SNX29: variants seen among roughly 807,000 people sequenced by gnomAD.
SNX29 encodes sorting nexin 29.
A neutral mutation model predicts 102.1 loss-of-function variants in SNX29; 78 were observed. The ratio of observed to expected loss-of-function variants is 0.76; its 90% CI spans 0.64 to 0.92. The LOEUF (loss-of-function observed/expected upper bound fraction) is 0.92. Ranked by LOEUF, SNX29 falls within the 40% of genes least tolerant of loss-of-function variation. The pLI, the probability that SNX29 is intolerant of heterozygous loss-of-function variation, is 0.00. For synonymous variants in SNX29, 580 were observed against 414.5 expected, an observed-to-expected ratio of 1.40 and a Z score of -4.85; for missense variants, 1,280 against 1,061.7, an observed-to-expected ratio of 1.21 and a Z score of -2.86.
At chr16:12,129,846 T>G (rs2054379093) in intron 13 of SNX29, 88 bp downstream of exon 13, 1 of 1,439,728 alleles carries the variant, frequency 6.9e-7, no homozygotes, top group Non-Finnish European at 9.2e-7. Context: ...GGCTCATGCC[T>G]GTAATCCCAG....
intron 20 of SNX29, among the ~76,000 whole-genome samples, chr16:12,534,741 A>G (rs964904278): frequency 2.0e-5 from 3 of 152,280 alleles, no homozygotes; most frequent in African/African-American, 7.2e-5. Flanking sequence ...TTGCCCTACT[A>G]AACCCAAGTG....
intron 18 of SNX29, among the ~76,000 whole-genome samples, chr16:12,474,064 A>G (rs2087480517): frequency 6.6e-6 from 1 of 151,946 alleles, no homozygotes; most frequent in Admixed American, 6.6e-5. Context: ...TGGGGTCTGG[A>G]TTGGAGCCCC....
chr16:12,505,936 T>C (rs1471070503), intron 19 of SNX29, among the ~76,000 whole-genome samples: 1 of 152,158 alleles, frequency 6.6e-6, no homozygotes, highest in Non-Finnish European at 1.5e-5. Flanking sequence ...TTTGTAGTTT[T>C]TCTATAGAGT....
In SNX29 at chr16:12,003,632, G is replaced by A. The variant is rs2056364179; in HGVS notation, c.122+589G>A. On this transcript the variant is annotated intron_variant, in intron 3 of 20. Transcript: ENST00000566228. ...AACGTGGCCTGAGGTAGCAGTAGGG[G>A]TAAGAATACTGGGAATATTGCTTTC... Among the ~76,000 whole-genome samples the A allele has an allele frequency of 2.0e-5, 3 of 152,156 alleles. No homozygotes were observed. The South Asian group carries it at 6.2e-4, about 31-fold the overall frequency.
chr16:12,206,940 T>C (rs1487266662), intron 14 of SNX29, among the ~76,000 whole-genome samples: 1 of 151,138 alleles, frequency 6.6e-6, no homozygotes, highest in Non-Finnish European at 1.5e-5. Context: ...TCAGCAAATA[T>C]GCTACAAATG....
intron 13 of SNX29, among the ~76,000 whole-genome samples, chr16:12,174,030 CCTTGGCCTCCCAAA>C (rs1454954292): frequency 1.3e-5 from 2 of 152,236 alleles, no homozygotes; most frequent in Non-Finnish European, 2.9e-5. Flanking sequence ...TCCCCCCCAA[CCTTGGCCTCCCAAA>C]GTGTTGGGAT....
At chr16:12,171,776 A>T (rs2076154955) in intron 13 of SNX29, among the ~76,000 whole-genome samples, 1 of 152,176 alleles carries the variant, frequency 6.6e-6, no homozygotes, top group Non-Finnish European at 1.5e-5. Flanking sequence ...TTCACTAATG[A>T]TTGTTATATG....
chr16:12,436,620 C>T (rs112369911), intron 18 of SNX29, among the ~76,000 whole-genome samples: 1 of 152,334 alleles, frequency 6.6e-6, no homozygotes, highest in South Asian at 2.1e-4. Flanking sequence ...TAGCCCCTGG[C>T]CTGCCATGAG....
chr16:12,202,000 G>A (rs1341744876), intron 14 of SNX29, among the ~76,000 whole-genome samples: 1 of 152,132 alleles, frequency 6.6e-6, no homozygotes, highest in Admixed American at 6.5e-5. Context: ...TCCCCAGACC[G>A]ATCCTGAGTG....
chr16:12,556,826 A>G (rs1013122015), intron 20 of SNX29, among the ~76,000 whole-genome samples: 4 of 152,058 alleles, frequency 2.6e-5, no homozygotes, highest in South Asian at 4.1e-4. Context: ...AGCCCAGAGG[A>G]GGAACAGAAG....
At chr16:12,054,389 G>T (rs2050434300) in intron 8 of SNX29, among the ~76,000 whole-genome samples, 1 of 152,198 alleles carries the variant, frequency 6.6e-6, no homozygotes, top group African/African-American at 2.4e-5. Flanking sequence ...TCTGCTTCTG[G>T]GTGGATCAGT....
chr16:12,043,122 G>A (rs779855876), intron 5 of SNX29, 45 bp downstream of exon 5: 1 of 1,602,086 alleles, frequency 6.2e-7, no homozygotes, highest in South Asian at 1.1e-5. Flanking sequence ...AGCAAGAGGT[G>A]AAGATCTTGG....
At chr16:12,294,488 T>G in intron 15 of SNX29, among the ~76,000 whole-genome samples, 1 of 152,170 alleles carries the variant, frequency 6.6e-6, no homozygotes, top group African/African-American at 2.4e-5. Context: ...AGACTCACCC[T>G]GTCTACTCCC....
intron 11 of SNX29, among the ~76,000 whole-genome samples, chr16:12,109,848 A>G (rs1188761112): frequency 1.3e-5 from 2 of 152,048 alleles, no homozygotes; most frequent in Non-Finnish European, 2.9e-5. Context: ...CTCCTGCCTC[A>G]GCCTCCCAAG....
At chr16:12,343,357 C>T (rs980453023) in intron 15 of SNX29, among the ~76,000 whole-genome samples, 3 of 152,204 alleles carry the variant, frequency 2.0e-5, no homozygotes, top group Admixed American at 6.5e-5. Flanking sequence ...CTTCTGTGTC[C>T]AGCAACCTAT....
chr16:12,227,921 A>G (rs1216853084), intron 14 of SNX29, among the ~76,000 whole-genome samples: 2 of 151,276 alleles, frequency 1.3e-5, no homozygotes, highest in East Asian at 3.9e-4. Context: ...AAAAAAAAAA[A>G]AAAAAGACCG....
At chr16:12,335,226 A>T (rs565710268) in intron 15 of SNX29, among the ~76,000 whole-genome samples, 1 of 152,074 alleles carries the variant, frequency 6.6e-6, no homozygotes, top group Non-Finnish European at 1.5e-5. Context: ...GAGGGCCTTG[A>T]ACTCCAGGAC....
At chr16:12,558,053 C>G (rs971743731) in intron 20 of SNX29, among the ~76,000 whole-genome samples, 1 of 152,210 alleles carries the variant, frequency 6.6e-6, no homozygotes, top group African/African-American at 2.4e-5. Context: ...GGGATTACAA[C>G]AGAGACATGA....
intron 4 of SNX29, among the ~76,000 whole-genome samples, chr16:12,033,598 G>A (rs1350219326): frequency 3.3e-5 from 5 of 150,068 alleles, no homozygotes; most frequent in African/African-American, 9.8e-5. Context: ...GGAACTACCC[G>A]TTTTCTTTTT....
Sources: allele counts gnomAD v4.1 joint callset (sites outside exome capture counted in the v4.1 genomes callset), GRCh38; gene constraint gnomAD v4.1.1; transcripts MANE v1.5; gene names NCBI Gene and HGNC (gene_info 2026-07-23, HGNC 2026-07-21).